Variants in TRAK1 observed in about 807,000 individuals in gnomAD.
TRAK1 encodes trafficking kinesin protein 1.
Under a neutral mutation model 92.1 loss-of-function variants are expected in TRAK1, and 33 were observed. The ratio of observed to expected loss-of-function variants is 0.36; its 90% CI spans 0.27 to 0.48. TRAK1 has a LOEUF of 0.48. Ranked by LOEUF, TRAK1 falls within the 20% of genes least tolerant of loss-of-function variation. TRAK1 has a pLI of 0.99. For synonymous variants in TRAK1, 521 were observed against 517.3 expected, an observed-to-expected ratio of 1.01 and a Z score of -0.10; for missense variants, 1,123 against 1,257.9, an observed-to-expected ratio of 0.89 and a Z score of 1.62.
At chr3:42,175,439 C>A (rs192221535) in intron 2 of TRAK1, among the ~76,000 whole-genome samples, 7 of 152,234 alleles carry the variant, frequency 4.6e-5, no homozygotes, top group South Asian at 2.1e-4. Context: ...TATAAATCTC[C>A]CTTGCTTCTC....
chr3:42,120,588 G>A (rs1335953755), intron 1 of TRAK1, among the ~76,000 whole-genome samples: 2 of 151,988 alleles, frequency 1.3e-5, no homozygotes, highest in African/African-American at 2.4e-5. Flanking sequence ...CTGTCACCAG[G>A]CTGGAGTGCA....
chr3:42,129,770 G>A (rs72869931), intron 2 of TRAK1, among the ~76,000 whole-genome samples: 2,326 of 152,220 alleles, frequency 0.015, 61 homozygotes, highest in African/African-American at 0.053. Flanking sequence ...GCTCAGGGAA[G>A]TTAGGGAAAA....
intron 7 of TRAK1, among the ~76,000 whole-genome samples, chr3:42,192,402 T>C (rs1178277159): frequency 6.6e-6 from 1 of 151,932 alleles, no homozygotes; most frequent in Non-Finnish European, 1.5e-5. Flanking sequence ...CTAAGTATAT[T>C]GCATTTCGTC....
chr3:42,203,658 A>G (rs1224487631), intron 13 of TRAK1: 3 of 985,196 alleles, frequency 3.0e-6, no homozygotes, highest in Non-Finnish European at 3.6e-6. Flanking sequence ...TCTGTGTTAC[A>G]CTTACGATGC....
At chr3:42,136,678 TTTTC>T (rs1698002854) in intron 2 of TRAK1, among the ~76,000 whole-genome samples, 1 of 150,496 alleles carries the variant, frequency 6.6e-6, no homozygotes, top group Non-Finnish European at 1.5e-5. Flanking sequence ...ATAACATTTC[TTTTC>T]TTTCTTTTTG....
intron 2 of TRAK1, among the ~76,000 whole-genome samples, chr3:42,143,066 C>T (rs1228485048): frequency 6.6e-6 from 1 of 152,122 alleles, no homozygotes; most frequent in Non-Finnish European, 1.5e-5. Context: ...AATCTGGGCA[C>T]CAGAATGTTG....
rs941391529 is a variant in TRAK1 at position 42,123,432 on chromosome 3, C to G, written c.92-1988C>G. Among the ~76,000 whole-genome samples the G allele has an allele frequency of 2.0e-5, 3 of 151,540 alleles. No individual in the cohort carries two copies. The South Asian group carries it at 6.2e-4, about 31-fold the overall frequency. Reference sequence around the variant, plus strand: ...CTGCAGTGAATCCCTGGCCCTGGCCCTGCAGTGAATCCCTGGCCCTGGCCC... The same window carrying G: ...CTGCAGTGAATCCCTGGCCCTGGCCGTGCAGTGAATCCCTGGCCCTGGCCC... On this transcript the variant is annotated intron_variant, in intron 1 of 15. Coordinates refer to ENST00000327628, the MANE Select transcript of TRAK1 (RefSeq NM_001042646.3).
At chr3:42,219,017 A>T in intron 14 of TRAK1, 6 of 985,402 alleles carry the variant, frequency 6.1e-6, no homozygotes, top group Non-Finnish European at 7.2e-6. Context: ...GGGAGCTGTG[A>T]GCCTTGCCCT....
At chr3:42,018,951 G>A (rs762062358) in intron 1 of TRAK1, among the ~76,000 whole-genome samples, 5 of 151,990 alleles carry the variant, frequency 3.3e-5, no homozygotes, top group East Asian at 1.9e-4. Flanking sequence ...GTGAAACCCC[G>A]TCTCTATTAA....
Position 42,117,343 on chromosome 3 carries a change from C to G in TRAK1, c.92-8077C>G, listed in dbSNP as rs529214339. ...CTCTTGAAACTGTGCTCCTGGCCGG[C>G]ACCCAGGGCCTCTCGGCTTCCAGCA... On this transcript the variant is annotated intron_variant, in intron 1 of 15. Coordinates refer to ENST00000327628, the MANE Select transcript of TRAK1 (RefSeq NM_001042646.3). Among the ~76,000 whole-genome samples the G allele has an allele frequency of 1.6e-4, 23 of 147,812 alleles. No individual in the cohort carries two copies. The East Asian group carries it at 4.2e-3, about 27-fold the overall frequency.
intron 13 of TRAK1, chr3:42,203,635 G>C (rs1055294110): frequency 1.0e-6 from 1 of 984,928 alleles, no homozygotes; most frequent in Non-Finnish European, 1.2e-6. Flanking sequence ...CGTTTGAGAA[G>C]GTGTTTTAAA....
intron 3 of TRAK1, among the ~76,000 whole-genome samples, chr3:42,177,841 T>C (rs912450618): frequency 5.3e-5 from 8 of 152,202 alleles, no homozygotes; most frequent in African/African-American, 1.7e-4. Context: ...TCCACTCCTG[T>C]TTGATCCTCT....
intron 2 of TRAK1, among the ~76,000 whole-genome samples, chr3:42,165,117 A>G (rs138181781): frequency 2.0e-3 from 303 of 152,322 alleles, no homozygotes; most frequent in Middle Eastern, 0.014. Context: ...GCTCAGGAGA[A>G]GGCATGATTT....
intron 1 of TRAK1, among the ~76,000 whole-genome samples, chr3:42,096,779 A>G (rs1329674399): frequency 6.6e-6 from 1 of 152,206 alleles, no homozygotes; most frequent in Non-Finnish European, 1.5e-5. Flanking sequence ...AGACAGAACC[A>G]CTGCAGCAGC....
intron 1 of TRAK1, among the ~76,000 whole-genome samples, chr3:42,106,022 C>T (rs1450724605): frequency 6.6e-6 from 1 of 152,134 alleles, no homozygotes; most frequent in African/African-American, 2.4e-5. Context: ...GAAGGAAGCA[C>T]TAAACATGGA....
intron 1 of TRAK1, among the ~76,000 whole-genome samples, chr3:42,075,007 C>T (rs759977243): frequency 4.6e-5 from 7 of 152,134 alleles, no homozygotes; most frequent in Admixed American, 6.5e-5. Flanking sequence ...CCTTCAGCTC[C>T]ATCTATGTTG....
chr3:42,069,163 A>C (rs1323232739), intron 1 of TRAK1, among the ~76,000 whole-genome samples: 1 of 151,966 alleles, frequency 6.6e-6, no homozygotes, highest in Non-Finnish European at 1.5e-5. Flanking sequence ...CTGACTGTGT[A>C]TATACACACA....
intron 1 of TRAK1, among the ~76,000 whole-genome samples, chr3:42,074,100 C>T (rs74510803): frequency 0.069 from 10,544 of 152,182 alleles, 435 homozygotes; most frequent in Non-Finnish European, 0.092. Flanking sequence ...ACCATGAGCT[C>T]CTTTAAGAGC....
chr3:42,209,656 C>A, intron 13 of TRAK1, 111 bp from the exon 14 acceptor site: 1 of 1,096,510 alleles, frequency 9.1e-7, no homozygotes, highest in Non-Finnish European at 1.3e-6. Context: ...CCAGACCCTG[C>A]TGGGGTTCAC....
Sources: gnomAD v4.1 joint callset for allele counts (sites outside exome capture counted in the v4.1 genomes callset) on GRCh38, gnomAD v4.1.1 for gene constraint, MANE v1.5 for transcripts, NCBI Gene and HGNC (gene_info 2026-07-23, HGNC 2026-07-21) for gene names.